The following MPPED2 variants were observed in gnomAD, a reference collection of about 807,000 sequenced individuals.
MPPED2 encodes the protein metallophosphoesterase domain containing 2, also known as metallophosphoesterase MPPED2.
Under a neutral mutation model 33.0 loss-of-function variants are expected in MPPED2, and 5 were observed. The observed-to-expected ratio is 0.15, with a 90% CI of 0.08 to 0.32. The LOEUF (loss-of-function observed/expected upper bound fraction) is 0.32, where lower values mean the gene tolerates loss of function less well. Among genes scored for constraint, MPPED2 ranks in the 10% least tolerant of loss-of-function variants. MPPED2 has a pLI of 1.00. For missense variants in MPPED2, 275 were observed against 372.1 expected (o/e 0.74, Z 2.15); for synonymous variants, 136 against 141.9 (o/e 0.96, Z 0.29).
chr11:30,433,392 C>T (rs75594224), intron 4 of MPPED2, among the ~76,000 whole-genome samples: 4,301 of 152,294 alleles, frequency 0.028, 177 homozygotes, highest in Admixed American at 0.082. Context: ...CTAACATTTA[C>T]ATAAAGCTTG....
At chr11:30,583,070 AC>A (rs1957244514) in intron 1 of MPPED2, among the ~76,000 whole-genome samples, 1 of 144,898 alleles carries the variant, frequency 6.9e-6, no homozygotes, top group Non-Finnish European at 1.5e-5. Flanking sequence ...GTTCATCCCC[AC>A]CCGTATCTCA....
At chr11:30,439,681 T>G (rs1011823487) in intron 4 of MPPED2, among the ~76,000 whole-genome samples, 1 of 152,338 alleles carries the variant, frequency 6.6e-6, no homozygotes, top group South Asian at 2.1e-4. Flanking sequence ...ACATGCTTCT[T>G]CTCATGAATT....
chr11:30,493,537 G>A (rs896167484), intron 4 of MPPED2, among the ~76,000 whole-genome samples: 1 of 151,722 alleles, frequency 6.6e-6, no homozygotes, highest in African/African-American at 2.4e-5. Flanking sequence ...GTGAGTAAAG[G>A]TGAGTTCTTC....
At chr11:30,480,237 G>A (rs1482535187) in intron 4 of MPPED2, among the ~76,000 whole-genome samples, 1 of 152,064 alleles carries the variant, frequency 6.6e-6, no homozygotes, top group Non-Finnish European at 1.5e-5. Context: ...CAGTGAAACA[G>A]CCTAGACGCT....
At chr11:30,394,349 C>T (rs1375262546) in intron 6 of MPPED2, among the ~76,000 whole-genome samples, 4 of 152,188 alleles carry the variant, frequency 2.6e-5, no homozygotes, top group African/African-American at 9.6e-5. Context: ...AACTGCTAAG[C>T]TGTGTTCCAG....
chr11:30,531,954 G>A (rs1319564436), intron 3 of MPPED2, among the ~76,000 whole-genome samples: 3 of 152,238 alleles, frequency 2.0e-5, no homozygotes, highest in African/African-American at 7.2e-5. Context: ...GGGAAGAGAG[G>A]TAAGGAAATA....
intron 4 of MPPED2, among the ~76,000 whole-genome samples, chr11:30,483,749 T>C (rs1322731277): frequency 2.0e-5 from 3 of 152,204 alleles, no homozygotes; most frequent in African/African-American, 7.2e-5. Flanking sequence ...GACAATCCTC[T>C]TTCTAGAACC....
chr11:30,468,011 GC>G (rs5790816), intron 4 of MPPED2, among the ~76,000 whole-genome samples: 121,053 of 152,018 alleles, frequency 0.8, 49,003 homozygotes, highest in East Asian at 0.95. Context: ...CTCCCCAGAG[GC>G]CCCCCGATGC....
rs542610704 is a variant in MPPED2, at chr11:30,537,708, T to C, written c.129-1533A>G. 3.1e-4 allele frequency among the ~76,000 whole-genome samples: 47 copies of C among 152,232 alleles called. 2 individuals carry two copies. In the South Asian group the frequency reaches 8.5e-3, roughly 28 times the overall value. Reference sequence around the variant, plus strand: ...GGAGGAAGGAATTGTGAACTGGTTATCACAGTGGGTCTAATTGGAAGCCCA... The same window carrying C: ...GGAGGAAGGAATTGTGAACTGGTTACCACAGTGGGTCTAATTGGAAGCCCA... On this transcript the variant is annotated intron_variant, in intron 2 of 6. Transcript: ENST00000358117.
At chr11:30,432,663 A>G (rs1949133770) in intron 4 of MPPED2, among the ~76,000 whole-genome samples, 1 of 152,214 alleles carries the variant, frequency 6.6e-6, no homozygotes, top group African/African-American at 2.4e-5. Context: ...GTGATGCTAT[A>G]CTTCCACCCT....
At chr11:30,385,725 C>A (rs907438122) in exon 7 of MPPED2, 3 of 152,126 alleles carry the variant, frequency 2.0e-5, no homozygotes, top group African/African-American at 7.2e-5. Context: ...CCTTCTTATA[C>A]AAAAAGCTCT....
chr11:30,406,107 C>G (rs138181802), downstream of MPPED2, among the ~76,000 whole-genome samples: 1 of 152,054 alleles, frequency 6.6e-6, no homozygotes, highest in African/African-American at 2.4e-5. Flanking sequence ...GAATTGGAAG[C>G]CTATTGGAAT....
chr11:30,514,827 C>T (rs773289308), intron 3 of MPPED2, among the ~76,000 whole-genome samples: 39 of 152,154 alleles, frequency 2.6e-4, no homozygotes, highest in African/African-American at 5.8e-4. Context: ...TTAGGTCTGG[C>T]GCAATGACTC....
intron 2 of MPPED2, among the ~76,000 whole-genome samples, chr11:30,543,801 T>C (rs1189042046): frequency 7.4e-6 from 1 of 135,242 alleles, no homozygotes; most frequent in Non-Finnish European, 1.6e-5. Context: ...TCTTTTTTTT[T>C]TTTTTTTTTT....
chr11:30,412,154 C>G (rs1948133703), intron 6 of MPPED2, among the ~76,000 whole-genome samples: 2 of 150,994 alleles, frequency 1.3e-5, no homozygotes, highest in African/African-American at 4.9e-5. Context: ...ATACTAAGTT[C>G]CATTTCATTC....
At chr11:30,543,518 G>T (rs1955244065) in intron 2 of MPPED2, among the ~76,000 whole-genome samples, 1 of 152,214 alleles carries the variant, frequency 6.6e-6, no homozygotes, top group African/African-American at 2.4e-5. Context: ...TTCAGGTTCT[G>T]AAGTCACTCC....
intron 3 of MPPED2, among the ~76,000 whole-genome samples, chr11:30,510,384 A>T (rs996761028): frequency 6.6e-6 from 1 of 152,200 alleles, no homozygotes; most frequent in Non-Finnish European, 1.5e-5. Flanking sequence ...AAGTTCTTCC[A>T]TGATACTAAC....
intron 4 of MPPED2, among the ~76,000 whole-genome samples, chr11:30,443,094 C>T (rs906903369): frequency 1.3e-5 from 2 of 152,090 alleles, no homozygotes; most frequent in Non-Finnish European, 2.9e-5. Context: ...TTTCTCTGCT[C>T]ATAGACACAC....
intron 4 of MPPED2, among the ~76,000 whole-genome samples, chr11:30,424,497 C>A (rs896619884): frequency 6.6e-6 from 1 of 152,166 alleles, no homozygotes; most frequent in Admixed American, 6.5e-5. Context: ...CACTTCACAG[C>A]GCCTTTCACA....
Sources: gnomAD v4.1 joint callset for allele counts (sites outside exome capture counted in the v4.1 genomes callset) on GRCh38, gnomAD v4.1.1 for gene constraint, MANE v1.5 for transcripts, NCBI Gene and HGNC (gene_info 2026-07-23, HGNC 2026-07-21) for gene names.